LOC400499: variants seen among roughly 807,000 people sequenced by gnomAD.
At chr16:11,491,646 C>T in the LOC400499 span, 38 of 364,250 alleles carry the variant, frequency 1.0e-4, no homozygotes, top group Non-Finnish European at 1.7e-4. Context: ...TCAGGAGGTG[C>T]CCTCCCAGCC....
At chr16:11,411,106 G>C in the LOC400499 span, 1 of 396,782 alleles carries the variant, frequency 2.5e-6, no homozygotes, top group Non-Finnish European at 4.4e-6. Context: ...AGGGGTTTCC[G>C]AGGGTTGCCC....
chr16:11,417,822 G>A, the LOC400499 span: 3 of 398,872 alleles, frequency 7.5e-6, no homozygotes, highest in Middle Eastern at 6.3e-4. Flanking sequence ...AGCTGCCATT[G>A]TGAATGTCCA....
chr16:11,491,981 C>T, the LOC400499 span: 4 of 393,732 alleles, frequency 1.0e-5, no homozygotes, highest in East Asian at 3.6e-5. Flanking sequence ...GAGGCTTCCC[C>T]GACACACACT....
chr16:11,437,806 T>A, the LOC400499 span, among the ~76,000 whole-genome samples: 1 of 151,540 alleles, frequency 6.6e-6, no homozygotes, highest in South Asian at 2.1e-4. Context: ...GAGGCAGAGG[T>A]TGCAGTGAGC....
chr16:11,412,530 A>G, the LOC400499 span, among the ~76,000 whole-genome samples: 2 of 152,356 alleles, frequency 1.3e-5, no homozygotes, highest in South Asian at 4.1e-4. Context: ...CTGCACACGT[A>G]AGAGCACCAA....
At chr16:11,399,901 G>A in the LOC400499 span, 1 of 398,318 alleles carries the variant, frequency 2.5e-6, no homozygotes, top group East Asian at 3.6e-5. Flanking sequence ...AGCCATCTCT[G>A]TTGGGAAATG....
the LOC400499 span, chr16:11,516,192 T>C: frequency 1.0e-5 from 4 of 399,716 alleles, no homozygotes; most frequent in Non-Finnish European, 1.8e-5. Flanking sequence ...TGCAGGAGGC[T>C]CAGCACAGCA....
chr16:11,385,403 C>T, the LOC400499 span: 2 of 1,232,266 alleles, frequency 1.6e-6, no homozygotes, highest in East Asian at 6.3e-5. Context: ...GGGCCCCAGC[C>T]ACCAGGGCAT....
At chr16:11,451,616 G>C in the LOC400499 span, among the ~76,000 whole-genome samples, 3 of 152,206 alleles carry the variant, frequency 2.0e-5, no homozygotes, top group African/African-American at 7.2e-5. Context: ...GAAATGCTGA[G>C]GGCTGTGAAG....
chr16:11,381,400 C>T, the LOC400499 span, among the ~76,000 whole-genome samples: 3 of 151,932 alleles, frequency 2.0e-5, no homozygotes, highest in South Asian at 2.1e-4. Flanking sequence ...CACACCTGCC[C>T]TACTTTTGAG....
At chr16:11,459,069 T>G in the LOC400499 span, among the ~76,000 whole-genome samples, 1 of 147,736 alleles carries the variant, frequency 6.8e-6, no homozygotes, top group Non-Finnish European at 1.5e-5. Context: ...AATAAATAAA[T>G]AAATAAAAAA....
the LOC400499 span, among the ~76,000 whole-genome samples, chr16:11,414,065 T>G: frequency 6.6e-6 from 1 of 152,158 alleles, no homozygotes; most frequent in African/African-American, 2.4e-5. Context: ...GAGCTTTGAT[T>G]CTGACCCAAG....
chr16:11,392,020 A>G, the LOC400499 span: 21 of 407,714 alleles, frequency 5.2e-5, no homozygotes, highest in Non-Finnish European at 7.7e-5. Context: ...CAATTGCTGG[A>G]ACCTTCTCAC....
chr16:11,463,037 T>C, the LOC400499 span, among the ~76,000 whole-genome samples: 18 of 152,164 alleles, frequency 1.2e-4, no homozygotes, highest in Admixed American at 9.8e-4. Context: ...ACACTAGCCT[T>C]TCTTACAGTA....
the LOC400499 span, chr16:11,385,177 C>G: frequency 1.6e-6 from 2 of 1,231,270 alleles, no homozygotes; most frequent in Non-Finnish European, 2.0e-6. Context: ...AGGGGAGGCT[C>G]AGTCCTACAG....
chr16:11,398,714 C>T, the LOC400499 span, among the ~76,000 whole-genome samples: 2 of 151,334 alleles, frequency 1.3e-5, no homozygotes, highest in Non-Finnish European at 2.9e-5. Context: ...GGCTGGAGTA[C>T]AGTGGCATGA....
At chr16:11,486,424 ATGG>A in the LOC400499 span, among the ~76,000 whole-genome samples, 1 of 136,136 alleles carries the variant, frequency 7.3e-6, no homozygotes, top group Non-Finnish European at 1.5e-5. Flanking sequence ...GGATGGATGG[ATGG>A]ATGGATGGAT....
chr16:11,403,355 A>G, the LOC400499 span, among the ~76,000 whole-genome samples: 1 of 152,214 alleles, frequency 6.6e-6, no homozygotes, highest in Admixed American at 6.5e-5. Context: ...CACCTGCAAC[A>G]CTGTCAACAC....
chr16:11,487,399 C>G, the LOC400499 span: 1 of 398,638 alleles, frequency 2.5e-6, no homozygotes, highest in Non-Finnish European at 4.4e-6. Flanking sequence ...AGGAGTAAGA[C>G]AAGAACATCA....
Sources: gnomAD v4.1 joint callset for allele counts (sites outside exome capture counted in the v4.1 genomes callset) on GRCh38, gnomAD v4.1.1 for gene constraint, MANE v1.5 for transcripts.